Variants in RSPO2 observed in about 807,000 individuals in gnomAD.
The protein encoded by RSPO2 is R-spondin-2.
A neutral mutation model predicts 30.9 loss-of-function variants in RSPO2; 14 were observed. The observed-to-expected ratio is 0.45, with a 90% CI of 0.30 to 0.71. The LOEUF (loss-of-function observed/expected upper bound fraction) is 0.71, where lower values mean the gene tolerates loss of function less well. Ranked by LOEUF, RSPO2 falls within the 30% of genes least tolerant of loss-of-function variation. The pLI is 0.08. For missense variants in RSPO2, 264 were observed against 301.9 expected (o/e 0.87, Z 0.93); for synonymous variants, 107 against 96.4 (o/e 1.11, Z -0.64).
At chr8:108,023,271 T>G (rs190005709) in intron 2 of RSPO2, among the ~76,000 whole-genome samples, 1 of 152,298 alleles carries the variant, frequency 6.6e-6, no homozygotes, top group Admixed American at 6.5e-5. Flanking sequence ...ATTCAGGAAA[T>G]TCCACATTGA....
intron 2 of RSPO2, among the ~76,000 whole-genome samples, chr8:108,070,074 C>A (rs1210377840): frequency 2.0e-5 from 3 of 152,094 alleles, no homozygotes; most frequent in Admixed American, 6.5e-5. Flanking sequence ...GAGGTATACA[C>A]CTTCTTTTAG....
At chr8:107,968,429 G>A (rs1044599349) in intron 3 of RSPO2, among the ~76,000 whole-genome samples, 1 of 152,102 alleles carries the variant, frequency 6.6e-6, no homozygotes, top group Non-Finnish European at 1.5e-5. Context: ...TAGAATGGTG[G>A]TTACCAGAGA....
chr8:108,019,837 G>A (rs1221937613), intron 2 of RSPO2, among the ~76,000 whole-genome samples: 1 of 152,066 alleles, frequency 6.6e-6, no homozygotes, highest in Non-Finnish European at 1.5e-5. Flanking sequence ...TCTTTAAAAG[G>A]GTAGACTTTG....
At chr8:108,017,888 A>G (rs1810944467) in intron 2 of RSPO2, among the ~76,000 whole-genome samples, 1 of 152,208 alleles carries the variant, frequency 6.6e-6, no homozygotes, top group Non-Finnish European at 1.5e-5. Flanking sequence ...GAATGTTAGT[A>G]GTCTGTGGGC....
intron 2 of RSPO2, among the ~76,000 whole-genome samples, chr8:108,069,747 C>T (rs966713485): frequency 1.3e-5 from 2 of 152,106 alleles, no homozygotes; most frequent in Non-Finnish European, 2.9e-5. Context: ...TTCTGTATAC[C>T]CAGGATTCCC....
intron 2 of RSPO2, among the ~76,000 whole-genome samples, chr8:108,056,967 G>A (rs187030760): frequency 6.6e-4 from 93 of 141,646 alleles, no homozygotes; most frequent in Admixed American, 1.6e-3. Flanking sequence ...TGAGGCAGGA[G>A]AATCTCTTGA....
intron 2 of RSPO2, among the ~76,000 whole-genome samples, chr8:108,035,332 G>T (rs2130644465): frequency 1.3e-5 from 2 of 152,278 alleles, no homozygotes; most frequent in South Asian, 4.1e-4. Context: ...ACTGTGTTTA[G>T]TCTCACCTTT....
At chr8:107,927,210 T>A (rs1252363910) in intron 5 of RSPO2, among the ~76,000 whole-genome samples, 6 of 152,214 alleles carry the variant, frequency 3.9e-5, no homozygotes, top group Admixed American at 3.9e-4. Flanking sequence ...CTGTTATTGG[T>A]GTATAAGAAT....
At position 107,983,114 on chromosome 8, in the gene RSPO2, T is replaced by C. The variant is rs564443907; in HGVS notation, c.283+5942A>G. ...CCTAAGGCCGCCGCTTACCCCAGGG[T>C]CTATGGAAGTAATGAAGGACCCCTC... On this transcript the variant is annotated intron_variant, in intron 3 of 5. Transcript: ENST00000276659. 114 of 1,428,572 alleles carry C rather than the reference T, an allele frequency of 8.0e-5. 1 individual carries two copies. The African/African-American group carries it at 1.3e-3, about 17-fold the overall frequency. The allele number at this position is 1,428,572 out of a possible 1,614,324, so 88.5% of individuals were successfully genotyped here. A position where few individuals can be genotyped will look rare whatever the true frequency, so the allele number is the denominator to read the frequency against.
At chr8:108,000,116 G>T (rs1452196921) in intron 2 of RSPO2, among the ~76,000 whole-genome samples, 1 of 152,194 alleles carries the variant, frequency 6.6e-6, no homozygotes, top group African/African-American at 2.4e-5. Context: ...ATGAACTGAG[G>T]TATGGTTGCA....
Position 107,925,227 on chromosome 8 carries a change from A to C in RSPO2, c.617-24037T>G, listed in dbSNP as rs78693433. Among the ~76,000 whole-genome samples, 14 of 152,026 alleles carry C rather than the reference A, an allele frequency of 9.2e-5. No homozygotes were observed. In the East Asian group the frequency reaches 2.7e-3, roughly 29 times the overall value. ...ACACCGCTCAGGTGACAGGCGCACT[A>C]AAATCTCAGAAATCACCACTCGAGA... On this transcript the variant is annotated intron_variant, in intron 5 of 5. Transcript: ENST00000276659.
At chr8:107,926,106 G>A (rs1165283093) in intron 5 of RSPO2, among the ~76,000 whole-genome samples, 1 of 152,142 alleles carries the variant, frequency 6.6e-6, no homozygotes, top group Non-Finnish European at 1.5e-5. Context: ...TCTAAATGGT[G>A]TGAGATGGTA....
intron 2 of RSPO2, among the ~76,000 whole-genome samples, chr8:108,068,774 G>A (rs1208196270): frequency 6.6e-6 from 1 of 152,150 alleles, no homozygotes; most frequent in Non-Finnish European, 1.5e-5. Flanking sequence ...TACAAGTCAA[G>A]GAACACCTGA....
intron 2 of RSPO2, among the ~76,000 whole-genome samples, chr8:108,015,842 T>C (rs371211432): frequency 2.0e-5 from 3 of 152,330 alleles, no homozygotes; most frequent in African/African-American, 7.2e-5. Context: ...CTGTTTTTAA[T>C]CACTTTCACT....
intron 3 of RSPO2, among the ~76,000 whole-genome samples, chr8:107,979,557 G>A (rs1398329794): frequency 1.3e-5 from 2 of 152,190 alleles, no homozygotes; most frequent in African/African-American, 4.8e-5. Context: ...GGGAGGGATA[G>A]CATTAGGAGA....
Position 108,082,563 on chromosome 8 carries a change from A to G in RSPO2, c.76T>C (p.Trp26Arg). The change falls in exon 2 of 6, where the codon TGG becomes CGG. Residue 26 changes from tryptophan to arginine, a missense_variant. Transcript: ENST00000276659. ...MDYSHCQGNR[W>R]RRSKRASYVS... ...GACCCACCTCGCTTACTGCGTCTCC[A>G]TCGGTTGCCTTGGCAGTGGCTGTAA... The G allele has an allele frequency of 6.2e-7, 1 of 1,614,120 alleles. No homozygotes were observed. Among genetic ancestry groups the G allele is most frequent in the Non-Finnish European group, 8.5e-7 (1 of 1,179,958 alleles).
chr8:107,903,852 C>G (rs561658008), intron 5 of RSPO2, among the ~76,000 whole-genome samples: 2 of 152,100 alleles, frequency 1.3e-5, no homozygotes, highest in South Asian at 2.1e-4. Flanking sequence ...AGATGGTTAG[C>G]CAAGATTTGA....
intron 3 of RSPO2, among the ~76,000 whole-genome samples, chr8:107,980,842 T>C (rs1814404534): frequency 1.3e-5 from 2 of 152,184 alleles, no homozygotes; most frequent in Admixed American, 1.3e-4. Flanking sequence ...TCTATAACTG[T>C]GCAAAATACT....
intron 2 of RSPO2, among the ~76,000 whole-genome samples, chr8:108,055,431 G>A (rs371822007): frequency 3.9e-5 from 6 of 152,132 alleles, no homozygotes; most frequent in Non-Finnish European, 7.4e-5. Flanking sequence ...ATTTAAATGG[G>A]GGGGAGAATT....
Sources: allele counts gnomAD v4.1 joint callset (sites outside exome capture counted in the v4.1 genomes callset), GRCh38; gene constraint gnomAD v4.1.1; transcripts MANE v1.5; gene names NCBI Gene and HGNC (gene_info 2026-07-23, HGNC 2026-07-21).